PDLIM1: variants seen among roughly 807,000 people sequenced by gnomAD.
PDLIM1 encodes the protein PDZ and LIM domain protein 1.
In PDLIM1, 25 loss-of-function variants were observed where a neutral mutation model predicts 35.2. That is an observed-to-expected ratio of 0.71 (90% CI 0.52 to 0.99). The LOEUF is 0.99. Ranked by LOEUF, PDLIM1 falls within the 50% of genes least tolerant of loss-of-function variation. PDLIM1 has a pLI of 0.00. For synonymous variants in PDLIM1, 152 were observed against 154.0 expected, an observed-to-expected ratio of 0.99 and a Z score of 0.10; for missense variants, 363 against 415.3, an observed-to-expected ratio of 0.87 and a Z score of 1.09.
chr10:95,238,571 A>G lies in PDLIM1; in HGVS notation c.800T>C (p.Ile267Thr), dbSNP rs1293872864. Reference sequence around the variant, plus strand: ...GCTGTGGGAAGCAGATACTCACACAATCCCAGTGCCACATTTGTCACACAT... The same window carrying G: ...GCTGTGGGAAGCAGATACTCACACAGTCCCAGTGCCACATTTGTCACACAT... Reference protein sequence around the residue: ...LPMCDKCGTGIVGVFVKLRDR... With the variant: ...LPMCDKCGTGTVGVFVKLRDR... Residue 267 changes from isoleucine (I) to threonine (T), a missense_variant, in exon 6 of 7, where the codon ATT (isoleucine) becomes ACT (threonine). By Grantham distance (89) the Ile-to-Thr change is moderately conservative. Coordinates refer to ENST00000329399, the MANE Select transcript of PDLIM1 (RefSeq NM_020992.4). The G allele has an allele frequency of 4.4e-6, 7 of 1,591,136 alleles. No individual in the cohort carries two copies. The highest frequency in any genetic ancestry group is 1.7e-5 in the Admixed American group (1 of 59,980).
intron 4 of PDLIM1, among the ~76,000 whole-genome samples, chr10:95,256,453 A>G (rs984737779): frequency 3.9e-5 from 6 of 152,230 alleles, no homozygotes; most frequent in African/African-American, 1.4e-4. Context: ...CATTTTACAA[A>G]GCTACAGTAA....
chr10:95,289,203 C>T (rs2035630067), intron 1 of PDLIM1, among the ~76,000 whole-genome samples: 1 of 152,232 alleles, frequency 6.6e-6, no homozygotes, highest in Non-Finnish European at 1.5e-5. Flanking sequence ...ACACAAAGAA[C>T]AGGGACAAAT....
At chr10:95,259,839 A>G (rs2035346104) in intron 4 of PDLIM1, among the ~76,000 whole-genome samples, 1 of 152,184 alleles carries the variant, frequency 6.6e-6, no homozygotes, top group South Asian at 2.1e-4. Flanking sequence ...AATTTGGAAG[A>G]GCTATTATCT....
At chr10:95,246,550 C>T (rs2035223158) in intron 5 of PDLIM1, among the ~76,000 whole-genome samples, 1 of 152,148 alleles carries the variant, frequency 6.6e-6, no homozygotes, top group Admixed American at 6.5e-5. Context: ...GAAGCGAGTA[C>T]TCAGTTACGA....
At chr10:95,267,094 T>C (rs2035423252) in intron 3 of PDLIM1, among the ~76,000 whole-genome samples, 2 of 152,234 alleles carry the variant, frequency 1.3e-5, no homozygotes, top group South Asian at 4.1e-4. Context: ...GAGAAGTTTT[T>C]CTTACAGTAA....
At chr10:95,289,084 C>T (rs895352890) in intron 1 of PDLIM1, among the ~76,000 whole-genome samples, 5 of 152,218 alleles carry the variant, frequency 3.3e-5, no homozygotes, top group Admixed American at 6.5e-5. Context: ...AAGTGAAAGG[C>T]AGTAACTGCC....
chr10:95,255,324 TAAAAAA>T (rs56689408), intron 4 of PDLIM1, among the ~76,000 whole-genome samples: 1 of 102,914 alleles, frequency 9.7e-6, no homozygotes, highest in Non-Finnish European at 1.9e-5. Context: ...CCAAAGATAC[TAAAAAA>T]AAAAAAAAAA....
intron 4 of PDLIM1, among the ~76,000 whole-genome samples, chr10:95,248,645 T>C (rs563749705): frequency 6.1e-4 from 93 of 152,366 alleles, no homozygotes; most frequent in African/African-American, 2.2e-3. Context: ...AATACTAAAA[T>C]ATATGTTTAA....
At chr10:95,286,381 T>G (rs771627351) in intron 1 of PDLIM1, among the ~76,000 whole-genome samples, 1 of 152,086 alleles carries the variant, frequency 6.6e-6, no homozygotes, top group Non-Finnish European at 1.5e-5. Flanking sequence ...AGCTCTCATA[T>G]TCAAAGGGTA....
intron 4 of PDLIM1, among the ~76,000 whole-genome samples, chr10:95,248,689 C>G (rs1221599590): frequency 6.6e-6 from 1 of 152,234 alleles, no homozygotes; most frequent in Non-Finnish European, 1.5e-5. Flanking sequence ...AATGTTATCA[C>G]AGAGGAGAAA....
intron 1 of PDLIM1, among the ~76,000 whole-genome samples, chr10:95,280,833 A>T (rs1227374965): frequency 2.0e-5 from 3 of 152,204 alleles, no homozygotes; most frequent in African/African-American, 4.8e-5. Flanking sequence ...CAGGCCAGAA[A>T]TCAACCCCAC....
rs1335879240 is a variant in PDLIM1, at chr10:95,281,967, T to C, written c.96+8853A>G. Among the ~76,000 whole-genome samples, 4 of 152,244 alleles carry C rather than the reference T, an allele frequency of 2.6e-5. No homozygotes were observed. The East Asian group carries it at 5.8e-4, about 22-fold the overall frequency. Reference sequence around the variant, plus strand: ...CATGTTCCAATTTTTTGTTAAATCTTATATGTGTTCTTGTGTTTTAAATAT... The same window carrying C: ...CATGTTCCAATTTTTTGTTAAATCTCATATGTGTTCTTGTGTTTTAAATAT... On this transcript the variant is annotated intron_variant, in intron 1 of 6. Coordinates refer to ENST00000329399, the MANE Select transcript of PDLIM1 (RefSeq NM_020992.4).
At chr10:95,277,556 T>C (rs1589518707) in intron 1 of PDLIM1, among the ~76,000 whole-genome samples, 1 of 151,956 alleles carries the variant, frequency 6.6e-6, no homozygotes, top group East Asian at 1.9e-4. Flanking sequence ...GACAGGAGAA[T>C]TGCTTGAACC....
At chr10:95,271,925 AT>A in intron 1 of PDLIM1, 141 bp from the exon 2 acceptor site, 1 of 715,722 alleles carries the variant, frequency 1.4e-6, no homozygotes, top group Non-Finnish European at 2.3e-6. Flanking sequence ...AATAACAATC[AT>A]TTATATTATC....
chr10:95,276,271 A>G (rs953169408), intron 1 of PDLIM1, among the ~76,000 whole-genome samples: 2 of 152,132 alleles, frequency 1.3e-5, no homozygotes, highest in African/African-American at 4.8e-5. Context: ...CAATGCCACA[A>G]GCAGAGGCTC....
rs1440640324 is a variant in PDLIM1 at position 95,257,038 on chromosome 10, G to GAAAGAAAT, written c.533+6825_533+6826insATTTCTTT. Among the ~76,000 whole-genome samples the GAAAGAAAT allele has an allele frequency of 5.7e-3, 742 of 129,668 alleles. 24 individuals are homozygous for GAAAGAAAT. Among genetic ancestry groups the GAAAGAAAT allele is most frequent in the Middle Eastern group, 0.014 (4 of 278 alleles). 85.1% of individuals were successfully genotyped at this position (129,668 alleles called of 152,430 possible). On this transcript the variant is annotated intron_variant, in intron 4 of 6. Transcript: ENST00000329399. ...AGAAAGAAAGAAAGAAAGAAAGAAA[G>GAAAGAAAT]AATTCAAAATAGATTAAAGACCAAC...
At position 95,238,761 on chromosome 10, in the gene PDLIM1, T is replaced by G; in HGVS notation, c.686-76A>C. ...GTATCACTCAGCTCTTCAGAACCAC[T>G]TATAAATATATGTTCAAGCAAGGCC... On this transcript the variant is annotated intron_variant, in intron 5 of 6. Transcript: ENST00000329399. 8.7e-6 allele frequency: 8 copies of G among 920,468 alleles called. No homozygotes were observed. The South Asian group carries it at 1.1e-4, about 12-fold the overall frequency. The allele number at this position is 920,468 out of a possible 1,614,324, so 57.0% of individuals were successfully genotyped here.
Position 95,264,038 on chromosome 10 carries a change from T to C in PDLIM1, c.359A>G (p.His120Arg). 1.2e-6 allele frequency: 2 copies of C among 1,613,662 alleles called. No homozygotes were observed. Among genetic ancestry groups the C allele is most frequent in the Admixed American group, 1.7e-5 (1 of 60,004 alleles). ...GGTAAAGGGCATGGCACTTCGGTTG[T>C]GGGCGCTTCCTATGTGCAGGACCTC... is the stretch of plus-strand genomic sequence containing the variant. Reference protein sequence around the residue: ...PQEVLHIGSAHNRSAMPFTAS... With the variant: ...PQEVLHIGSARNRSAMPFTAS... Residue 120 changes from histidine (H) to arginine (R), a missense_variant, in exon 4 of 7, where the codon CAC becomes CGC. Physicochemically the swap from His to Arg is conservative, Grantham distance 29. Coordinates refer to ENST00000329399, the MANE Select transcript of PDLIM1 (RefSeq NM_020992.4).
At chr10:95,280,625 G>A (rs12098304) in intron 1 of PDLIM1, among the ~76,000 whole-genome samples, 2 of 152,110 alleles carry the variant, frequency 1.3e-5, no homozygotes, top group African/African-American at 4.8e-5. Context: ...GACAGAGGTG[G>A]GGGTTTTAAC....
Sources: allele counts gnomAD v4.1 joint callset (sites outside exome capture counted in the v4.1 genomes callset), GRCh38; gene constraint gnomAD v4.1.1; transcripts MANE v1.5; gene names NCBI Gene and HGNC (gene_info 2026-07-23, HGNC 2026-07-21).